TRIP11: variants seen among roughly 807,000 people sequenced by gnomAD.
TRIP11 encodes the protein thyroid hormone receptor interactor 11, also known as thyroid receptor-interacting protein 11.
A neutral mutation model predicts 223.1 loss-of-function variants in TRIP11; 148 were observed. That is an observed-to-expected ratio of 0.66 (90% CI 0.58 to 0.76). The LOEUF (loss-of-function observed/expected upper bound fraction) is 0.76, where lower values mean the gene tolerates loss of function less well. Ranked by LOEUF, TRIP11 falls within the 30% of genes least tolerant of loss-of-function variation. The pLI, the probability that TRIP11 is intolerant of heterozygous loss-of-function variation, is 0.00. For synonymous variants in TRIP11, 762 were observed against 772.6 expected (o/e 0.99, Z 0.23); for missense variants, 2,043 against 2,222.0 (o/e 0.92, Z 1.62).
At chr14:92,018,802 A>G (rs1034118632) in intron 4 of TRIP11, among the ~76,000 whole-genome samples, 1 of 148,496 alleles carries the variant, frequency 6.7e-6, no homozygotes, top group Admixed American at 6.8e-5. Flanking sequence ...TTAAAAATAC[A>G]AAAAAAAAAT....
rs142525599 is a variant in TRIP11 at position 92,005,616 on chromosome 14, G to A, written c.2360C>T (p.Thr787Ile). Residue 787 changes from threonine (T) to isoleucine (I), a missense_variant, in exon 11 of 21, where the codon ACT becomes ATT. Physicochemically the swap from Thr to Ile is moderately conservative, Grantham distance 89 (BLOSUM62 -1). Transcript: ENST00000267622. ...AACGTCCTTAGTTTCTTTATGGTCAGTATCCATTTGTTCAATATTCTTTTT... is the reference window on the plus strand; with the variant it reads ...AACGTCCTTAGTTTCTTTATGGTCAATATCCATTTGTTCAATATTCTTTTT... Reference protein sequence around the residue: ...ELKKNIEQMDTDHKETKDVLS... With the variant: ...ELKKNIEQMDIDHKETKDVLS... 1.9e-6 allele frequency: 3 copies of A among 1,613,924 alleles called. No homozygotes were observed. Among genetic ancestry groups the A allele is most frequent in the Non-Finnish European group, 2.5e-6 (3 of 1,179,998 alleles).
At chr14:91,991,089 C>A (rs1475845343) in intron 15 of TRIP11, among the ~76,000 whole-genome samples, 1 of 152,074 alleles carries the variant, frequency 6.6e-6, no homozygotes, top group East Asian at 1.9e-4. Context: ...AACCTGATTC[C>A]CAATGTGGCA....
At chr14:92,036,405 C>G (rs542929251) in intron 1 of TRIP11, among the ~76,000 whole-genome samples, 1 of 152,292 alleles carries the variant, frequency 6.6e-6, no homozygotes, top group African/African-American at 2.4e-5. Context: ...ATCCTCTCAA[C>G]CTCACAATAG....
In TRIP11 at chr14:91,993,863, T is replaced by C. The variant is rs368829447; in HGVS notation, c.5106A>G (p.Ile1702Met). The change falls in exon 15 of 21, where the codon ATA (isoleucine) becomes ATG (methionine). Residue 1702 changes from isoleucine (I) to methionine (M), a missense_variant. Ile to Met is a conservative substitution (Grantham distance 10, BLOSUM62 1). Coordinates refer to ENST00000267622, the MANE Select transcript of TRIP11 (RefSeq NM_004239.4). ...TTTCTGCGTTTTTCTTCCATTCAGC[T>C]ATAAGCTGTTTTTGCTTTTCGAGTT... ...SAELEKQKQL[I>M]AEWKKNAENL... 1.9e-6 allele frequency: 3 copies of C among 1,613,718 alleles called. No individual in the cohort carries two copies. The African/African-American group carries it at 4.0e-5, about 22-fold the overall frequency.
chr14:92,006,444 A>G lies in TRIP11; in HGVS notation c.1532T>C (p.Met511Thr). 1 of 1,612,216 alleles carries G rather than the reference A, an allele frequency of 6.2e-7. No individual in the cohort carries two copies. The highest frequency in any genetic ancestry group is 1.1e-5 in the South Asian group (1 of 91,000). ...DRQNQEATKH[M>T]ILIKDQLSKQ... ...TGATAGCTGATCTTTTATCAAAATCATGTGCTGAAAGAAAAATTTGCATGG... is the reference window on the plus strand; with the variant it reads ...TGATAGCTGATCTTTTATCAAAATCGTGTGCTGAAAGAAAAATTTGCATGG... The change falls in exon 11 of 21, where the codon ATG becomes ACG. Residue 511 changes from methionine to threonine, a missense_variant. Transcript: ENST00000267622.
chr14:92,037,421 T>C lies in TRIP11; in HGVS notation c.139+2126A>G, dbSNP rs560864461. Among the ~76,000 whole-genome samples the C allele has an allele frequency of 6.6e-6, 1 of 152,248 alleles. No individual in the cohort carries two copies. The highest frequency in any genetic ancestry group is 2.1e-4 in the South Asian group (1 of 4,816). On this transcript the variant is annotated intron_variant, in intron 1 of 20. Coordinates refer to ENST00000267622, the MANE Select transcript of TRIP11 (RefSeq NM_004239.4). This position sits in a 1 kb window ranked among gnomAD's most constrained non-coding sequence, Gnocchi z 4.2. The stretch of plus-strand genomic sequence containing the variant: ...ATATGAGCAGGGTTGTACAGGAGAA[T>C]TGTTTTCTGGGTGAAGGAGGAAATA...
At position 91,969,480 on chromosome 14, in the gene TRIP11, T is replaced by C. The variant is rs1304844887; in HGVS notation, c.*193A>G. The C allele has an allele frequency of 1.6e-6, 1 of 637,876 alleles. No homozygotes were observed. Among genetic ancestry groups the C allele is most frequent in the East Asian group, 2.8e-5 (1 of 35,914 alleles). The allele number at this position is 637,876 out of a possible 1,614,324, so 39.5% of individuals were successfully genotyped here. ...GTCAAATCAGAAGGAATAAAGCAGA[T>C]TATATAGCAAACACTTGCTCCTGAC... On this transcript the variant is annotated 3_prime_UTR_variant, in exon 21 of 21. Coordinates refer to ENST00000267622, the MANE Select transcript of TRIP11 (RefSeq NM_004239.4).
At chr14:92,028,649 T>A (rs1030854798) in intron 2 of TRIP11, among the ~76,000 whole-genome samples, 2 of 152,128 alleles carry the variant, frequency 1.3e-5, no homozygotes, top group East Asian at 3.9e-4. Context: ...GAGATAATAT[T>A]TTCTATTATA....
At position 92,006,353 on chromosome 14, in the gene TRIP11, C is replaced by G. The variant is rs1595389757; in HGVS notation, c.1623G>C (p.Lys541Asn). The change falls in exon 11 of 21, where the codon AAG (lysine) becomes AAC (asparagine). Residue 541 changes from lysine (K) to asparagine (N), a missense_variant. Physicochemically the swap from Lys to Asn is moderately conservative, Grantham distance 94 (BLOSUM62 0). Transcript: ENST00000267622. ...KLKQDLNDEK[K>N]RVHQLEDDKM... ...TATCATCTTCAAGTTGATGAACTCT[C>G]TTTTTTTCATCATTTAGATCTTGTT... 6.2e-7 allele frequency: 1 copy of G among 1,611,914 alleles called. No individual in the cohort carries two copies. The highest frequency in any genetic ancestry group is 1.3e-5 in the African/African-American group (1 of 74,804).
At position 92,004,219 on chromosome 14, in the gene TRIP11, C is replaced by T. The variant is rs1357860241; in HGVS notation, c.3757G>A (p.Val1253Ile). 2.5e-6 allele frequency: 4 copies of T among 1,614,032 alleles called. No homozygotes were observed. The highest frequency in any genetic ancestry group is 1.6e-4 in the Middle Eastern group (1 of 6,084). Residue 1253 changes from valine (V) to isoleucine (I), a missense_variant, in exon 11 of 21, where the codon GTT becomes ATT. Coordinates refer to ENST00000267622, the MANE Select transcript of TRIP11 (RefSeq NM_004239.4). ...GAATTATTATCACTGTCAACCAAAA[C>T]CTGTGCTTGAAGTTGGTGAAGCTCT... Reference protein sequence around the residue: ...QEELHQLQAQVLVDSDNNSKL... With the variant: ...QEELHQLQAQILVDSDNNSKL...
In TRIP11 at chr14:92,039,902, T is replaced by C. The variant is rs957368731; in HGVS notation, c.-217A>G. 4 of 870,374 alleles carry C rather than the reference T, an allele frequency of 4.6e-6. No individual in the cohort carries two copies. In the African/African-American group the frequency reaches 6.8e-5, roughly 15 times the overall value. 53.9% of individuals were successfully genotyped at this position (870,374 alleles called of 1,614,324 possible). On this transcript the variant is annotated 5_prime_UTR_variant, in exon 1 of 21. Coordinates refer to ENST00000267622, the MANE Select transcript of TRIP11 (RefSeq NM_004239.4). ...CAGGGGCCCGCCTCTAGTGACACAG[T>C]CACCTACGGAGGGCCTTCTGCTCAT...
chr14:91,974,573 T>C, intron 19 of TRIP11, 54 bp downstream of exon 19: 1 of 1,335,130 alleles, frequency 7.5e-7, no homozygotes, highest in Non-Finnish European at 1.1e-6. Flanking sequence ...CAAATGAATG[T>C]AATATACAGT....
Position 92,004,888 on chromosome 14 carries a change from G to C in TRIP11, c.3088C>G (p.Leu1030Val). The change falls in exon 11 of 21, where the codon CTG (leucine) becomes GTG (valine). Residue 1030 changes from leucine to valine, a missense_variant. Physicochemically the swap from Leu to Val is conservative, Grantham distance 32. Coordinates refer to ENST00000267622, the MANE Select transcript of TRIP11 (RefSeq NM_004239.4). The part of the protein sequence containing the change: ...RLVKGIKERE[L>V]EIKLLNEKNI... Reference sequence around the variant, plus strand: ...TTTTCATTTAGAAGTTTAATCTCCAGTTCTCGCTCTTTTATTCCTTTCACT... The same window carrying C: ...TTTTCATTTAGAAGTTTAATCTCCACTTCTCGCTCTTTTATTCCTTTCACT... 6.2e-7 allele frequency: 1 copy of C among 1,613,824 alleles called. No individual in the cohort carries two copies. The highest frequency in any genetic ancestry group is 8.5e-7 in the Non-Finnish European group (1 of 1,179,968).
Position 91,966,801 on chromosome 14 carries a change from T to C in TRIP11, c.*2872A>G, listed in dbSNP as rs1276374938. On this transcript the variant is annotated 3_prime_UTR_variant, in exon 21 of 21. Transcript: ENST00000267622. ...TGAATTTTCTACTACAGTATAGAGG[T>C]TGAAAACCATTAGGAATGTGGTAAA... 1.4e-5 allele frequency: 3 copies of C among 216,936 alleles called. No individual in the cohort carries two copies. Among genetic ancestry groups the C allele is most frequent in the Admixed American group, 1.2e-4 (2 of 17,252 alleles). 13.4% of individuals were successfully genotyped at this position (216,936 alleles called of 1,614,324 possible). A position where few individuals can be genotyped will look rare whatever the true frequency, so the allele number is the denominator to read the frequency against.
Position 92,003,492 on chromosome 14 carries a change from T to A in TRIP11, c.4484A>T (p.Glu1495Val), listed in dbSNP as rs934486255. 6.2e-7 allele frequency: 1 copy of A among 1,614,172 alleles called. No homozygotes were observed. The highest frequency in any genetic ancestry group is 1.3e-5 in the African/African-American group (1 of 75,058). The change falls in exon 11 of 21, where the codon GAA (glutamate) becomes GTA (valine). Residue 1495 changes from glutamate to valine, a missense_variant. Physicochemically the swap from Glu to Val is moderately radical, Grantham distance 121 (BLOSUM62 -2). Coordinates refer to ENST00000267622, the MANE Select transcript of TRIP11 (RefSeq NM_004239.4). ...TNMKFSMMLR[E>V]KEFECHSMKE... Reference sequence around the variant, plus strand: ...CATTGAGTGGCACTCAAACTCTTTTTCTCGCAGCATCATAGAAAACTTCAT... The same window carrying A: ...CATTGAGTGGCACTCAAACTCTTTTACTCGCAGCATCATAGAAAACTTCAT...
intron 3 of TRIP11, among the ~76,000 whole-genome samples, chr14:92,024,794 G>C (rs948828433): frequency 6.6e-6 from 1 of 152,154 alleles, no homozygotes; most frequent in Non-Finnish European, 1.5e-5. Flanking sequence ...TGAGGACACA[G>C]ACTGTATTTT....
chr14:91,999,281 C>T lies in TRIP11; in HGVS notation c.4851G>A (p.Glu1617=), dbSNP rs142530328. The change falls in exon 13 of 21, where the codon GAG becomes GAA. Residue 1617 remains glutamate (E), a synonymous_variant. Transcript: ENST00000267622. The part of the protein sequence containing the change: ...AKLRKKVTVL[E]EKLVSSSNAM... ...CATTAGAGGATGAAACTAGCTTTTCCTCCAATACTGTGACTTTCTTTCTTA... is the reference window on the plus strand; with the variant it reads ...CATTAGAGGATGAAACTAGCTTTTCTTCCAATACTGTGACTTTCTTTCTTA... The T allele has an allele frequency of 7.4e-6, 12 of 1,613,662 alleles. No homozygotes were observed. Among genetic ancestry groups the T allele is most frequent in the African/African-American group, 1.3e-5 (1 of 74,902 alleles).
chr14:91,979,208 G>A (rs1245208865), intron 16 of TRIP11, among the ~76,000 whole-genome samples: 1 of 145,274 alleles, frequency 6.9e-6, no homozygotes, highest in African/African-American at 2.6e-5. Context: ...AGTGACCTCA[G>A]ATTGTGCCAC....
At position 91,967,060 on chromosome 14, in the gene TRIP11, A is replaced by AGATCAACG; in HGVS notation, c.*2605_*2612dup. On this transcript the variant is annotated 3_prime_UTR_variant, in exon 21 of 21. Transcript: ENST00000267622. ...AAAGTCAATGACTTATATCTGGTTT[A>AGATCAACG]GATCAACGAACACTTAGTATACATA... 5.3e-6 allele frequency: 1 copy of AGATCAACG among 187,438 alleles called. No individual in the cohort carries two copies. Among genetic ancestry groups the AGATCAACG allele is most frequent in the East Asian group, 8.7e-5 (1 of 11,548 alleles). 11.6% of individuals were successfully genotyped at this position (187,438 alleles called of 1,614,324 possible).
Sources: allele counts gnomAD v4.1 joint callset (sites outside exome capture counted in the v4.1 genomes callset), GRCh38; gene constraint gnomAD v4.1.1; non-coding constraint Gnocchi (gnomAD v3.1); transcripts MANE v1.5; gene names NCBI Gene and HGNC (gene_info 2026-07-23, HGNC 2026-07-21).